Variants in PTPRN2 observed in about 807,000 individuals in gnomAD.
PTPRN2 encodes the protein protein tyrosine phosphatase receptor type N2.
A neutral mutation model predicts 118.8 loss-of-function variants in PTPRN2; 74 were observed. That is an observed-to-expected ratio of 0.62 (90% CI 0.52 to 0.76). PTPRN2 has a LOEUF of 0.76. Ranked by LOEUF, PTPRN2 falls within the 30% of genes least tolerant of loss-of-function variation. The pLI is 0.00. For missense variants in PTPRN2, 1,481 were observed against 1,394.4 expected, an observed-to-expected ratio of 1.06 and a Z score of -0.99; for synonymous variants, 641 against 608.0, an observed-to-expected ratio of 1.05 and a Z score of -0.80.
intron 11 of PTPRN2, among the ~76,000 whole-genome samples, chr7:158,037,361 T>C (rs896568296): frequency 2.6e-5 from 4 of 152,222 alleles, no homozygotes; most frequent in African/African-American, 9.6e-5. Context: ...GCTGATGTTG[T>C]GCCAACATCA....
intron 22 of PTPRN2, among the ~76,000 whole-genome samples, chr7:157,542,020 CAG>C (rs1359185928): frequency 1.3e-5 from 2 of 152,206 alleles, no homozygotes; most frequent in Non-Finnish European, 2.9e-5. Flanking sequence ...GCGGCCACCT[CAG>C]GGTGGGACCC....
intron 3 of PTPRN2, among the ~76,000 whole-genome samples, chr7:158,302,056 C>A (rs951341443): frequency 1.3e-5 from 2 of 152,174 alleles, no homozygotes; most frequent in African/African-American, 4.8e-5. Context: ...GAAAAACAAA[C>A]CCGCTGGCAG....
In PTPRN2 at chr7:158,050,040, C is replaced by G. The variant is rs1287900215; in HGVS notation, c.1723+31258G>C. ...ACACATTAATTCACTGCTAGTGACC[C>G]CCATTTTATTAGGAAAGAAATAAAA... On this transcript the variant is annotated intron_variant, in intron 11 of 22. Coordinates refer to ENST00000389418, the MANE Select transcript of PTPRN2 (RefSeq NM_002847.5). Among the ~76,000 whole-genome samples, 4 of 152,222 alleles carry G rather than the reference C, an allele frequency of 2.6e-5. No homozygotes were observed. The East Asian group carries it at 7.7e-4, about 29-fold the overall frequency.
In PTPRN2 at chr7:157,703,441, T is replaced by A. The variant is rs114295911; in HGVS notation, c.1789-20504A>T. On this transcript the variant is annotated intron_variant, in intron 12 of 22. Transcript: ENST00000389418. The stretch of plus-strand genomic sequence containing the variant: ...TCAGCACAGCCTATAGGGACGCAGC[T>A]GGAACCCCCAGCTGGTCCACACCAG... 3.3e-3 allele frequency among the ~76,000 whole-genome samples: 499 copies of A among 152,250 alleles called. 4 individuals are homozygous for A. Among genetic ancestry groups the A allele is most frequent in the African/African-American group, 0.012 (480 of 41,558 alleles).
chr7:158,325,558 G>T (rs996522436), intron 2 of PTPRN2, among the ~76,000 whole-genome samples: 3 of 152,336 alleles, frequency 2.0e-5, no homozygotes, highest in South Asian at 4.1e-4. Context: ...TGGTATGCAC[G>T]TGAAAACTGA....
intron 3 of PTPRN2, among the ~76,000 whole-genome samples, chr7:158,315,240 A>AAGGACAGAGGTGAACCCAGGACGCCCTC (rs1802210418): frequency 3.4e-5 from 1 of 29,356 alleles, no homozygotes. Context: ...GGGACCCCCT[A>AAGGACAGAGGTGAACCCAGGACGCCCTC]AAGGACAGAG....
At chr7:158,516,224 A>G (rs927719916) in intron 1 of PTPRN2, among the ~76,000 whole-genome samples, 1 of 152,246 alleles carries the variant, frequency 6.6e-6, no homozygotes, top group African/African-American at 2.4e-5. Context: ...ACACACCTGT[A>G]ATCCCAGGGC....
chr7:157,846,177 C>T (rs1005129578), intron 12 of PTPRN2, among the ~76,000 whole-genome samples: 28 of 152,028 alleles, frequency 1.8e-4, no homozygotes, highest in Non-Finnish European at 3.2e-4. Context: ...GAAGATGAGC[C>T]GCCAATATTC....
rs186948770 is a variant in PTPRN2, at chr7:158,184,291, T to C, written c.549+8036A>G. Reference sequence around the variant, plus strand: ...TAATTTGTCTTATTGTTCTCATCAATGTATTGTAGTTTTCATTGTACATTG... The same window carrying C: ...TAATTTGTCTTATTGTTCTCATCAACGTATTGTAGTTTTCATTGTACATTG... On this transcript the variant is annotated intron_variant, in intron 5 of 22. Coordinates refer to ENST00000389418, the MANE Select transcript of PTPRN2 (RefSeq NM_002847.5). Among the ~76,000 whole-genome samples the C allele has an allele frequency of 1.7e-3, 260 of 152,358 alleles. 2 individuals carry two copies. Among genetic ancestry groups the C allele is most frequent in the African/African-American group, 6.0e-3 (248 of 41,590 alleles).
At chr7:158,066,322 G>A (rs1426449117) in intron 11 of PTPRN2, among the ~76,000 whole-genome samples, 3 of 152,214 alleles carry the variant, frequency 2.0e-5, no homozygotes, top group Non-Finnish European at 4.4e-5. Context: ...TCTGGCTCCA[G>A]GATGAAATGA....
intron 9 of PTPRN2, among the ~76,000 whole-genome samples, chr7:158,113,418 G>A (rs1247462877): frequency 6.6e-6 from 1 of 152,178 alleles, no homozygotes; most frequent in Non-Finnish European, 1.5e-5. Context: ...TAGGAGTGAT[G>A]AGACAAGGTG....
intron 2 of PTPRN2, among the ~76,000 whole-genome samples, chr7:158,357,486 G>A (rs989602133): frequency 2.0e-5 from 3 of 152,206 alleles, no homozygotes; most frequent in African/African-American, 4.8e-5. Flanking sequence ...GCCAGACCCC[G>A]GACAAGGCCA....
At chr7:158,468,812 C>CA (rs1371618918) in intron 2 of PTPRN2, among the ~76,000 whole-genome samples, 1 of 152,196 alleles carries the variant, frequency 6.6e-6, no homozygotes, top group Non-Finnish European at 1.5e-5. Context: ...CGTGCACACC[C>CA]ACGCACACTC....
chr7:158,284,755 A>G (rs1799659914), intron 3 of PTPRN2, among the ~76,000 whole-genome samples: 1 of 152,106 alleles, frequency 6.6e-6, no homozygotes, highest in Admixed American at 6.5e-5. Context: ...CCCGCATCCA[A>G]TGGAGTGAGC....
chr7:158,285,719 G>A (rs1246972271), intron 3 of PTPRN2, among the ~76,000 whole-genome samples: 2 of 152,266 alleles, frequency 1.3e-5, no homozygotes, highest in South Asian at 2.1e-4. Context: ...GGAATGAGGA[G>A]TGGAACAGCG....
chr7:158,386,669 C>A (rs1191471604), intron 2 of PTPRN2, among the ~76,000 whole-genome samples: 1 of 152,206 alleles, frequency 6.6e-6, no homozygotes, highest in Non-Finnish European at 1.5e-5. Flanking sequence ...ATGGATCCTT[C>A]AATCCCCAAT....
At chr7:157,993,260 T>C (rs73745052) in intron 11 of PTPRN2, among the ~76,000 whole-genome samples, 3,247 of 152,078 alleles carry the variant, frequency 0.021, 120 homozygotes, top group African/African-American at 0.074. Flanking sequence ...TACCTGTCCG[T>C]GTTCACATTA....
intron 11 of PTPRN2, among the ~76,000 whole-genome samples, chr7:158,026,992 C>G (rs1440953884): frequency 6.6e-6 from 1 of 152,214 alleles, no homozygotes; most frequent in Non-Finnish European, 1.5e-5. Flanking sequence ...GACACTCGAC[C>G]CTTTTGGCCC....
At chr7:158,244,037 C>T (rs190769833) in intron 3 of PTPRN2, among the ~76,000 whole-genome samples, 342 of 152,314 alleles carry the variant, frequency 2.2e-3, no homozygotes, top group Non-Finnish European at 4.0e-3. Context: ...CCTCCCACCC[C>T]GAGTCACTGA....
Sources: gnomAD v4.1 joint callset for allele counts (sites outside exome capture counted in the v4.1 genomes callset) on GRCh38, gnomAD v4.1.1 for gene constraint, MANE v1.5 for transcripts, NCBI Gene and HGNC (gene_info 2026-07-23, HGNC 2026-07-21) for gene names.